SLF1: variants seen among roughly 807,000 people sequenced by gnomAD.
The protein encoded by SLF1 is SMC5/6 complex localization factor 1.
In SLF1, 105 loss-of-function variants were observed where a neutral mutation model predicts 123.0. The ratio of observed to expected loss-of-function variants is 0.85; its 90% CI spans 0.73 to 1.00. The LOEUF (loss-of-function observed/expected upper bound fraction) is 1.00. Among genes scored for constraint, SLF1 ranks in the 50% least tolerant of loss-of-function variants. The pLI is 0.00. For synonymous variants in SLF1, 434 were observed against 406.6 expected (o/e 1.07, Z -0.81); for missense variants, 1,239 against 1,223.0 (o/e 1.01, Z -0.20).
chr5:94,660,610 G>C (rs563139421), intron 9 of SLF1, among the ~76,000 whole-genome samples: 14 of 152,296 alleles, frequency 9.2e-5, no homozygotes, highest in Non-Finnish European at 1.3e-4. Context: ...TGGCGGGTGG[G>C]GTAGGCCTGT....
chr5:94,651,623 TC>T, intron 6 of SLF1, 78 bp from the exon 7 acceptor site: 5 of 1,227,392 alleles, frequency 4.1e-6, no homozygotes, highest in Non-Finnish European at 4.3e-6. Context: ...GATGGGTTTT[TC>T]TTTTGTGACT....
chr5:94,667,608 C>T (rs145416875), intron 12 of SLF1, among the ~76,000 whole-genome samples: 1 of 152,296 alleles, frequency 6.6e-6, no homozygotes, highest in East Asian at 1.9e-4. Flanking sequence ...TAGCGAAATA[C>T]GTAAGACCCT....
intron 4 of SLF1, among the ~76,000 whole-genome samples, chr5:94,634,559 A>G (rs534646423): frequency 6.6e-6 from 1 of 152,196 alleles, no homozygotes; most frequent in Non-Finnish European, 1.5e-5. Flanking sequence ...TGTATATACT[A>G]TATTTTCTTT....
rs1170388680 is a variant in SLF1 at position 94,691,766 on chromosome 5, TAAAAG to T, written c.2512+111_2512+115del. On this transcript the variant is annotated intron_variant, in intron 19 of 20. Transcript: ENST00000265140. The stretch of plus-strand genomic sequence containing the variant: ...TTAAGTAAATTTACCTAAGGTATCT[TAAAAG>T]TATAAGAAAAATTTCTTAGCAAAGC... 4.7e-6 allele frequency: 4 copies of T among 853,418 alleles called. No homozygotes were observed. The African/African-American group carries it at 7.1e-5, about 15-fold the overall frequency. The allele number at this position is 853,418 out of a possible 1,614,324, so 52.9% of individuals were successfully genotyped here. A position where few individuals can be genotyped will look rare whatever the true frequency, so the allele number is the denominator to read the frequency against.
intron 4 of SLF1, among the ~76,000 whole-genome samples, chr5:94,639,930 T>C (rs148825451): frequency 1.5e-4 from 23 of 152,204 alleles, no homozygotes; most frequent in African/African-American, 5.5e-4. Context: ...GTCAACTGTA[T>C]TTCCATTTGT....
At chr5:94,663,424 A>G (rs1422289497) in intron 10 of SLF1, among the ~76,000 whole-genome samples, 1 of 152,230 alleles carries the variant, frequency 6.6e-6, no homozygotes, top group Non-Finnish European at 1.5e-5. Flanking sequence ...CAAGTGGATC[A>G]CCTGAGGTCA....
rs1394156238 is a variant in SLF1 at position 94,671,007 on chromosome 5, A to T, written c.1826A>T (p.Asp609Val). ...CACAAGGAAAAATTCAAGTCTAATGATGTAAGTAGGATTAATTTATAGATG... is the reference window on the plus strand; with the variant it reads ...CACAAGGAAAAATTCAAGTCTAATGTTGTAAGTAGGATTAATTTATAGATG... ...YSHKEKFKSN[D>V]VFKHELAYLL... Residue 609 changes from aspartate to valine, a missense_variant and splice_region_variant, in exon 14 of 21, where the codon GAT becomes GTT. Asp to Val is a radical substitution (Grantham distance 152, BLOSUM62 -3). Transcript: ENST00000265140. 2 of 1,520,242 alleles carry T rather than the reference A, an allele frequency of 1.3e-6. No homozygotes were observed. The highest frequency in any genetic ancestry group is 1.8e-6 in the Non-Finnish European group (2 of 1,122,010). 94.2% of individuals were successfully genotyped at this position (1,520,242 alleles called of 1,614,324 possible). A position where few individuals can be genotyped will look rare whatever the true frequency, so the allele number is the denominator to read the frequency against.
intron 9 of SLF1, among the ~76,000 whole-genome samples, chr5:94,656,718 T>C (rs1156730884): frequency 2.6e-5 from 4 of 151,908 alleles, no homozygotes; most frequent in African/African-American, 7.2e-5. Flanking sequence ...AGGTTATATG[T>C]GTCCAGGAAT....
chr5:94,624,579 G>T (rs538244383), intron 1 of SLF1, among the ~76,000 whole-genome samples: 2 of 152,192 alleles, frequency 1.3e-5, no homozygotes, highest in African/African-American at 4.8e-5. Context: ...TCTGGAAACA[G>T]CAACATAGTA....
At chr5:94,619,067 C>T (rs540992412) in intron 1 of SLF1, among the ~76,000 whole-genome samples, 1 of 152,234 alleles carries the variant, frequency 6.6e-6, no homozygotes, top group Non-Finnish European at 1.5e-5. Flanking sequence ...GAGCCACTTC[C>T]CCCGCTTCTG....
At chr5:94,645,886 G>A (rs891739853) in intron 5 of SLF1, among the ~76,000 whole-genome samples, 1 of 152,170 alleles carries the variant, frequency 6.6e-6, no homozygotes, top group Admixed American at 6.5e-5. Context: ...TTTCTTCAGT[G>A]TAGATCATAT....
intron 14 of SLF1, among the ~76,000 whole-genome samples, chr5:94,673,562 A>G (rs190469869): frequency 7.4e-4 from 112 of 152,106 alleles, no homozygotes; most frequent in Admixed American, 1.8e-3. Context: ...TGGTGTGCAC[A>G]TGTATTAGTT....
rs1386329091 is a variant in SLF1, at chr5:94,697,247, G to T, written c.*1935G>T. On this transcript the variant is annotated 3_prime_UTR_variant, in exon 21 of 21. Transcript: ENST00000265140. ...TGGCAAACATAGGTTACTGTGTTCT[G>T]TGCCCTGGCTAACAATACCAGTATA... is the stretch of plus-strand genomic sequence containing the variant. 6.6e-6 allele frequency: 1 copy of T among 151,812 alleles called. No homozygotes were observed. The highest frequency in any genetic ancestry group is 6.6e-5 in the Admixed American group (1 of 15,198). 9.4% of individuals were successfully genotyped at this position (151,812 alleles called of 1,614,324 possible).
intron 9 of SLF1, among the ~76,000 whole-genome samples, chr5:94,656,391 C>G (rs1017251029): frequency 6.6e-6 from 1 of 151,890 alleles, no homozygotes; most frequent in Non-Finnish European, 1.5e-5. Flanking sequence ...ATTTAGTTTG[C>G]TAGCATTTTG....
At chr5:94,647,156 AG>A in intron 5 of SLF1, among the ~76,000 whole-genome samples, 1 of 152,286 alleles carries the variant, frequency 6.6e-6, no homozygotes, top group East Asian at 1.9e-4. Context: ...GAGTATTATT[AG>A]ATTTCCAGTC....
At chr5:94,633,049 G>C (rs1448180997) in intron 4 of SLF1, among the ~76,000 whole-genome samples, 1 of 151,836 alleles carries the variant, frequency 6.6e-6, no homozygotes, top group East Asian at 1.9e-4. Flanking sequence ...GGAGTGCAGT[G>C]GCGTGATCTT....
At chr5:94,664,944 T>C (rs1414539483) in intron 11 of SLF1, among the ~76,000 whole-genome samples, 1 of 152,208 alleles carries the variant, frequency 6.6e-6, no homozygotes, top group African/African-American at 2.4e-5. Flanking sequence ...CTGTGAATAC[T>C]GTATTTTTAA....
chr5:94,669,363 G>GA (rs1209180405), intron 12 of SLF1, among the ~76,000 whole-genome samples: 1 of 152,158 alleles, frequency 6.6e-6, no homozygotes, highest in African/African-American at 2.4e-5. Context: ...GACAGAGGTA[G>GA]AAAGTTATAA....
chr5:94,647,447 A>C (rs1747191222), intron 5 of SLF1, among the ~76,000 whole-genome samples: 1 of 152,228 alleles, frequency 6.6e-6, no homozygotes, highest in African/African-American at 2.4e-5. Context: ...CAAAGATAGG[A>C]AACTAAGTCA....
Sources: gnomAD v4.1 joint callset for allele counts (sites outside exome capture counted in the v4.1 genomes callset) on GRCh38, gnomAD v4.1.1 for gene constraint, MANE v1.5 for transcripts, NCBI Gene and HGNC (gene_info 2026-07-23, HGNC 2026-07-21) for gene names.